Variants in NDE1 observed in about 807,000 individuals in gnomAD.
NDE1 encodes the protein nudE neurodevelopment protein 1.
A neutral mutation model predicts 43.4 loss-of-function variants in NDE1; 28 were observed. The observed-to-expected ratio is 0.65, with a 90% CI of 0.48 to 0.89. NDE1 has a LOEUF of 0.89. NDE1 is among the 40% of genes least tolerant of loss of function. NDE1 has a pLI of 0.00. For synonymous variants in NDE1, 184 were observed against 172.0 expected, an observed-to-expected ratio of 1.07 and a Z score of -0.55; for missense variants, 441 against 434.1, an observed-to-expected ratio of 1.02 and a Z score of -0.14.
chr16:15,687,268 G>A (rs1300570436), intron 4 of NDE1, 107 bp from the exon 5 acceptor site: 2 of 1,598,232 alleles, frequency 1.3e-6, no homozygotes, highest in African/African-American at 1.3e-5. Context: ...GTTTGGGGCT[G>A]GGACTTGTGC....
At chr16:15,717,950 C>A (rs1300191068) in intron 8 of NDE1, 1 of 371,700 alleles carries the variant, frequency 2.7e-6, no homozygotes. Flanking sequence ...TAGTGCCCAC[C>A]ATGGAACTAG....
intron 8 of NDE1, chr16:15,701,319 T>TC (rs899093357): frequency 1.7e-4 from 26 of 152,020 alleles, no homozygotes; most frequent in Admixed American, 1.4e-3. Context: ...AGAGGTGCGT[T>TC]CGAGTTTTCA....
intron 8 of NDE1, among the ~76,000 whole-genome samples, chr16:15,706,849 A>AAG (rs1178755673): frequency 3.3e-5 from 5 of 152,174 alleles, no homozygotes; most frequent in African/African-American, 1.2e-4. Context: ...CCCTTGACCT[A>AAG]AGAAATACAT....
At chr16:15,650,066 G>A (rs562744434), upstream of NDE1, among the ~76,000 whole-genome samples, 219 of 152,254 alleles carry the variant, frequency 1.4e-3, no homozygotes, top group African/African-American at 5.1e-3. Context: ...CTCCGGCCAG[G>A]AGCCTTCGCC....
In NDE1 at chr16:15,708,848, C is replaced by G. The variant is rs1156235418; in HGVS notation, c.947+11988C>G. 4.3e-6 allele frequency: 7 copies of G among 1,609,586 alleles called. No homozygotes were observed. Among genetic ancestry groups the G allele is most frequent in the African/African-American group, 4.0e-5 (3 of 74,892 alleles). ...TTCCTGTGGGGGGGGCCCTCTGAAA[C>G]AGAGAGAGAATCCCCGGAGGTTACC... On this transcript the variant is annotated intron_variant, in intron 8 of 8. Coordinates refer to ENST00000396354, the MANE Select transcript of NDE1 (RefSeq NM_017668.3).
intron 5 of NDE1, among the ~76,000 whole-genome samples, chr16:15,690,337 C>CT (rs67220509): frequency 0.022 from 1,648 of 73,544 alleles, 15 homozygotes; most frequent in Middle Eastern, 0.053. Context: ...TGCAACTGGC[C>CT]TTTTTTTTTT....
chr16:15,705,627 G>T (rs371604826), intron 8 of NDE1, among the ~76,000 whole-genome samples: 3 of 152,080 alleles, frequency 2.0e-5, no homozygotes, highest in African/African-American at 7.2e-5. Flanking sequence ...TGCTCCCCAC[G>T]CAAGGGTTGG....
chr16:15,724,093 T>C (rs2151217736), intron 8 of NDE1, 98 bp from the exon 9 acceptor site: 2 of 1,606,796 alleles, frequency 1.2e-6, no homozygotes, highest in Non-Finnish European at 1.7e-6. Flanking sequence ...CCACGCGTCA[T>C]ACTCTGCAGA....
chr16:15,689,000 A>G (rs1596616902), intron 5 of NDE1, among the ~76,000 whole-genome samples: 2 of 152,110 alleles, frequency 1.3e-5, no homozygotes, highest in Non-Finnish European at 2.9e-5. Context: ...TGCTGGCCCA[A>G]TTAATTATTT....
chr16:15,675,832 G>A (rs1006404088), intron 3 of NDE1, among the ~76,000 whole-genome samples: 4 of 152,164 alleles, frequency 2.6e-5, no homozygotes, highest in Non-Finnish European at 5.9e-5. Flanking sequence ...GGGCTGGTTA[G>A]CATAATTGCT....
intron 4 of NDE1, among the ~76,000 whole-genome samples, chr16:15,684,838 T>C (rs1251841135): frequency 1.3e-5 from 2 of 152,206 alleles, no homozygotes; most frequent in African/African-American, 4.8e-5. Flanking sequence ...TTCTGGACCT[T>C]TGGTTCCTTT....
chr16:15,722,214 G>A (rs1309811757), intron 8 of NDE1, among the ~76,000 whole-genome samples: 1 of 152,116 alleles, frequency 6.6e-6, no homozygotes, highest in Non-Finnish European at 1.5e-5. Context: ...AGCACACTGA[G>A]GTCAAAGTGA....
At position 15,667,372 on chromosome 16, in the gene NDE1, T is replaced by C. The variant is rs1400587166; in HGVS notation, c.170T>C (p.Ile57Thr). 6.2e-7 allele frequency: 1 copy of C among 1,613,900 alleles called. No homozygotes were observed. Among genetic ancestry groups the C allele is most frequent in the South Asian group, 1.1e-5 (1 of 91,064 alleles). The change falls in exon 3 of 9, where the codon ATT (isoleucine) becomes ACT (threonine). Residue 57 changes from isoleucine to threonine, a missense_variant. By Grantham distance (89) the Ile-to-Thr change is moderately conservative. Coordinates refer to ENST00000396354, the MANE Select transcript of NDE1 (RefSeq NM_017668.3). ...EAELETQLQQ[I>T]ETRNRDLLSE... Reference sequence around the variant, plus strand: ...GAATTGGAGACGCAGCTGCAACAAATTGAAACCAGGAACAGAGACCTCCTG... The same window carrying C: ...GAATTGGAGACGCAGCTGCAACAAACTGAAACCAGGAACAGAGACCTCCTG...
Position 15,720,976 on chromosome 16 carries a change from C to G in NDE1, c.948-3215C>G, listed in dbSNP as rs2040440320. ...TCCTCCGTGGCTTGCAGCTCGTCCT[C>G]CAGCTCTTCCAGCTGCGTCTTCATC... is the stretch of plus-strand genomic sequence containing the variant. On this transcript the variant is annotated intron_variant, in intron 8 of 8. Transcript: ENST00000396354. The G allele has an allele frequency of 2.5e-6, 4 of 1,614,134 alleles. No individual in the cohort carries two copies. Among genetic ancestry groups the G allele is most frequent in the South Asian group, 1.1e-5 (1 of 91,080 alleles).
intron 3 of NDE1, among the ~76,000 whole-genome samples, chr16:15,676,101 C>T (rs566556270): frequency 6.6e-6 from 1 of 152,000 alleles, no homozygotes; most frequent in East Asian, 1.9e-4. Flanking sequence ...ATCTCTCTCC[C>T]TTTCCTTCCC....
At position 15,717,034 on chromosome 16, in the gene NDE1, T is replaced by G. The variant is rs2040189512; in HGVS notation, c.948-7157T>G. ...CACTGTAGGCATCACAGAGCTTGCTTCTTACAAGCCAGAACTGATGCTGGA... is the reference window on the plus strand; with the variant it reads ...CACTGTAGGCATCACAGAGCTTGCTGCTTACAAGCCAGAACTGATGCTGGA... On this transcript the variant is annotated intron_variant, in intron 8 of 8. Transcript: ENST00000396354. 3.2e-6 allele frequency: 4 copies of G among 1,249,438 alleles called. No homozygotes were observed. The South Asian group carries it at 3.6e-5, about 11-fold the overall frequency. 77.4% of individuals were successfully genotyped at this position (1,249,438 alleles called of 1,614,324 possible). A position where few individuals can be genotyped will look rare whatever the true frequency, so the allele number is the denominator to read the frequency against.
rs201413303 is a variant in NDE1, at chr16:15,696,824, G to T, written c.911G>T (p.Arg304Leu). The part of the protein sequence containing the change: ...SSKNRDGGER[R>L]PSSTSVPLGD... ...AAGAACAGAGATGGCGGGGAGAGAC[G>T]GCCAAGCAGCACCAGCGTGCCTTTG... The change falls in exon 8 of 9, where the codon CGG becomes CTG. Residue 304 changes from arginine (R) to leucine (L), a missense_variant. Physicochemically the swap from Arg to Leu is moderately radical, Grantham distance 102 (BLOSUM62 -2). Coordinates refer to ENST00000396354, the MANE Select transcript of NDE1 (RefSeq NM_017668.3). The T allele has an allele frequency of 1.9e-6, 3 of 1,614,152 alleles. No individual in the cohort carries two copies. The highest frequency in any genetic ancestry group is 2.5e-6 in the Non-Finnish European group (3 of 1,180,028).
chr16:15,722,765 G>A (rs1436586433), intron 8 of NDE1, among the ~76,000 whole-genome samples: 1 of 152,114 alleles, frequency 6.6e-6, no homozygotes, highest in Non-Finnish European at 1.5e-5. Context: ...TTTGAGACAG[G>A]GTTTTCACTC....
chr16:15,664,911 G>T, intron 2 of NDE1, 50 bp downstream of exon 2: 1 of 1,383,688 alleles, frequency 7.2e-7, no homozygotes. Flanking sequence ...TTTGAGATGG[G>T]GTCCTGCTAT....
Sources: allele counts gnomAD v4.1 joint callset (sites outside exome capture counted in the v4.1 genomes callset), GRCh38; gene constraint gnomAD v4.1.1; transcripts MANE v1.5; gene names NCBI Gene and HGNC (gene_info 2026-07-23, HGNC 2026-07-21).